CAMK1D: variants seen among roughly 807,000 people sequenced by gnomAD.
CAMK1D encodes the protein calcium/calmodulin dependent protein kinase ID.
In CAMK1D, 9 loss-of-function variants were observed where a neutral mutation model predicts 47.7. That is an observed-to-expected ratio of 0.19 (90% CI 0.11 to 0.33). CAMK1D has a LOEUF of 0.33. Among genes scored for constraint, CAMK1D ranks in the 10% least tolerant of loss-of-function variants. The probability of loss-of-function intolerance (pLI) is 1.00; values close to 1 mark genes in which losing one functional copy is unlikely to be tolerated. For synonymous variants in CAMK1D, 184 were observed against 184.9 expected, an observed-to-expected ratio of 0.99 and a Z score of 0.04; for missense variants, 291 against 488.7, an observed-to-expected ratio of 0.60 and a Z score of 3.81.
intron 1 of CAMK1D, among the ~76,000 whole-genome samples, chr10:12,452,592 C>CT (rs369439055): frequency 2.7e-4 from 40 of 146,366 alleles, no homozygotes; most frequent in Admixed American, 4.8e-4. Context: ...ACCATTTTGA[C>CT]TTTTTTTTTT....
At chr10:12,673,975 T>G (rs1036984518) in intron 3 of CAMK1D, among the ~76,000 whole-genome samples, 2 of 152,206 alleles carry the variant, frequency 1.3e-5, no homozygotes, top group Admixed American at 1.3e-4. Context: ...AGTTGGGCTC[T>G]CTCTCTGTCA....
rs1259398571 is a variant in CAMK1D at position 12,568,546 on chromosome 10, T to C, written c.224+15190T>C. Among the ~76,000 whole-genome samples, 4 of 136,990 alleles carry C rather than the reference T, an allele frequency of 2.9e-5. No individual in the cohort carries two copies. In the Admixed American group the frequency reaches 3.0e-4, roughly 10 times the overall value. 89.9% of individuals were successfully genotyped at this position (136,990 alleles called of 152,430 possible). A position where few individuals can be genotyped will look rare whatever the true frequency, so the allele number is the denominator to read the frequency against. The stretch of plus-strand genomic sequence containing the variant: ...CCCTCCCCTCACCTTTCTTCCTGGT[T>C]GCAGAGCAGGGCTAACGCCTAGGCC... On this transcript the variant is annotated intron_variant, in intron 2 of 10. Coordinates refer to ENST00000619168, the MANE Select transcript of CAMK1D (RefSeq NM_153498.4).
At chr10:12,797,127 C>T (rs1484565503) in intron 6 of CAMK1D, among the ~76,000 whole-genome samples, 1 of 151,876 alleles carries the variant, frequency 6.6e-6, no homozygotes, top group Non-Finnish European at 1.5e-5. Context: ...TCCAGGCCAC[C>T]TTCTCCATAG....
chr10:12,761,152 G>A (rs1327546312), intron 4 of CAMK1D, 66 bp downstream of exon 4: 13 of 1,564,266 alleles, frequency 8.3e-6, no homozygotes, highest in Non-Finnish European at 1.1e-5. Context: ...GACCAAGAGG[G>A]CTGATGCCAG....
At position 12,521,227 on chromosome 10, in the gene CAMK1D, A is replaced by G. The variant is rs182901233; in HGVS notation, c.93-31998A>G. ...TGAAATGTTATATGTTTGATTTTAGATCTTTCTTATTTCTCATATAAGCAC... is the reference window on the plus strand; with the variant it reads ...TGAAATGTTATATGTTTGATTTTAGGTCTTTCTTATTTCTCATATAAGCAC... On this transcript the variant is annotated intron_variant, in intron 1 of 10. Coordinates refer to ENST00000619168, the MANE Select transcript of CAMK1D (RefSeq NM_153498.4). Among the ~76,000 whole-genome samples, 66 of 151,836 alleles carry G rather than the reference A, an allele frequency of 4.3e-4. 1 individual carries two copies. The highest frequency in any genetic ancestry group is 4.2e-3 in the Admixed American group (64 of 15,262).
rs76602137 is a variant in CAMK1D at position 12,828,669 on chromosome 10, C to A, written c.1040-100C>A. ...AAAAAAAAAAAATTGGGCCCCCCCG[C>A]CCCCCACCATAAACCCAGCCCCTCT... On this transcript the variant is annotated intron_variant, in intron 10 of 10. Transcript: ENST00000619168. 4,924 of 883,342 alleles carry A rather than the reference C, an allele frequency of 5.6e-3. 145 individuals carry two copies. The highest frequency in any genetic ancestry group is 0.043 in the East Asian group (1,485 of 34,764). 54.7% of individuals were successfully genotyped at this position (883,342 alleles called of 1,614,324 possible). A position where few individuals can be genotyped will look rare whatever the true frequency, so the allele number is the denominator to read the frequency against.
chr10:12,788,670 A>G (rs1011464277), intron 5 of CAMK1D, among the ~76,000 whole-genome samples: 4 of 152,220 alleles, frequency 2.6e-5, no homozygotes. Context: ...TGCCTCCTAA[A>G]TCAGAAAGAC....
chr10:12,423,429 C>T (rs1840124024), intron 1 of CAMK1D, among the ~76,000 whole-genome samples: 1 of 152,062 alleles, frequency 6.6e-6, no homozygotes, highest in African/African-American at 2.4e-5. Flanking sequence ...GTGGAAGGAT[C>T]ACTTGAGCCC....
chr10:12,715,129 C>G (rs191180582), intron 3 of CAMK1D, among the ~76,000 whole-genome samples: 103 of 152,332 alleles, frequency 6.8e-4, no homozygotes, highest in African/African-American at 2.0e-3. Flanking sequence ...CCTCTGGTAT[C>G]TATCATTCTA....
At chr10:12,818,540 G>A (rs969032728) in intron 8 of CAMK1D, among the ~76,000 whole-genome samples, 1 of 152,060 alleles carries the variant, frequency 6.6e-6, no homozygotes, top group African/African-American at 2.4e-5. Context: ...ACACGGTGGT[G>A]TGTGCCTGTA....
At position 12,831,778 on chromosome 10, in the gene CAMK1D, A is replaced by G. The variant is rs1833422798; in HGVS notation, c.*2891A>G. The G allele has an allele frequency of 6.6e-6, 1 of 152,240 alleles. No individual in the cohort carries two copies. Among genetic ancestry groups the G allele is most frequent in the South Asian group, 2.1e-4 (1 of 4,824 alleles). 9.4% of individuals were successfully genotyped at this position (152,240 alleles called of 1,614,324 possible). A position where few individuals can be genotyped will look rare whatever the true frequency, so the allele number is the denominator to read the frequency against. ...GCTTGGGTTAATTTCCTATTGCTTC[A>G]GAGAAAGAGAGGCGCTCTTGTGCTT... On this transcript the variant is annotated 3_prime_UTR_variant, in exon 11 of 11. Transcript: ENST00000619168.
chr10:12,392,154 T>A (rs562187018), intron 1 of CAMK1D, among the ~76,000 whole-genome samples: 9 of 151,988 alleles, frequency 5.9e-5, no homozygotes, highest in Non-Finnish European at 8.8e-5. Context: ...CATACAAAAT[T>A]AGCCGGGTGC....
intron 2 of CAMK1D, chr10:12,578,783 C>T (rs1379777644): frequency 6.5e-6 from 1 of 153,962 alleles, no homozygotes; most frequent in Admixed American, 6.6e-5. Context: ...ACAGGGCCAC[C>T]CAGGGAGTAA....
intron 6 of CAMK1D, among the ~76,000 whole-genome samples, chr10:12,796,906 G>A (rs2131016982): frequency 6.6e-6 from 1 of 152,292 alleles, no homozygotes; most frequent in East Asian, 1.9e-4. Flanking sequence ...GAAAAAAAAA[G>A]ACTGGACTGT....
intron 2 of CAMK1D, among the ~76,000 whole-genome samples, chr10:12,657,968 G>A (rs917063320): frequency 3.3e-5 from 5 of 152,102 alleles, no homozygotes; most frequent in Non-Finnish European, 7.4e-5. Context: ...TGACCAATGT[G>A]GTGAAACCCT....
intron 1 of CAMK1D, among the ~76,000 whole-genome samples, chr10:12,496,281 T>C (rs1226793698): frequency 2.0e-5 from 3 of 152,200 alleles, no homozygotes; most frequent in African/African-American, 7.2e-5. Context: ...AGGGTCAAGA[T>C]TGCCTGCAAA....
chr10:12,447,008 A>G (rs989971506), intron 1 of CAMK1D, among the ~76,000 whole-genome samples: 2 of 152,168 alleles, frequency 1.3e-5, no homozygotes, highest in African/African-American at 4.8e-5. Flanking sequence ...ACATTTTGCC[A>G]TGTCTAGGAT....
At chr10:12,596,838 G>T (rs898251616) in intron 2 of CAMK1D, among the ~76,000 whole-genome samples, 7 of 151,456 alleles carry the variant, frequency 4.6e-5, no homozygotes, top group African/African-American at 1.5e-4. Context: ...TTTTTTTTTA[G>T]ACCTGGTAAT....
chr10:12,407,847 CTCTTTTTTTTTTT>C (rs1314619834), intron 1 of CAMK1D, among the ~76,000 whole-genome samples: 7 of 142,858 alleles, frequency 4.9e-5, no homozygotes, highest in Non-Finnish European at 7.6e-5. Flanking sequence ...GATTGGCTGA[CTCTTTTTTTTTTT>C]TCTTTTTTTT....
Sources: gnomAD v4.1 joint callset for allele counts (sites outside exome capture counted in the v4.1 genomes callset) on GRCh38, gnomAD v4.1.1 for gene constraint, MANE v1.5 for transcripts, NCBI Gene and HGNC (gene_info 2026-07-23, HGNC 2026-07-21) for gene names.